Variants in FRMD5 observed in about 807,000 individuals in gnomAD.
The protein encoded by FRMD5 is FERM domain-containing protein 5.
Under a neutral mutation model 69.0 loss-of-function variants are expected in FRMD5, and 20 were observed. That is an observed-to-expected ratio of 0.29 (90% confidence interval 0.20 to 0.42). The LOEUF is 0.42. Ranked by LOEUF, FRMD5 falls within the 10% of genes least tolerant of loss-of-function variation. The pLI, the probability that FRMD5 is intolerant of heterozygous loss-of-function variation, is 1.00. For synonymous variants in FRMD5, 271 were observed against 260.1 expected, an observed-to-expected ratio of 1.04 and a Z score of -0.40; for missense variants, 595 against 708.6, an observed-to-expected ratio of 0.84 and a Z score of 1.82.
chr15:44,073,390 T>C (rs1350500397), intron 1 of FRMD5, among the ~76,000 whole-genome samples: 2 of 152,174 alleles, frequency 1.3e-5, no homozygotes, highest in Non-Finnish European at 2.9e-5. Context: ...CATATAATTA[T>C]TGTCCATAAG....
At chr15:43,981,484 G>T (rs955745154) in intron 1 of FRMD5, among the ~76,000 whole-genome samples, 9 of 152,192 alleles carry the variant, frequency 5.9e-5, no homozygotes. Context: ...GATGGAAGAG[G>T]TAGAGGAGGT....
chr15:43,914,044 G>T (rs1238172462), intron 4 of FRMD5, among the ~76,000 whole-genome samples: 1 of 152,206 alleles, frequency 6.6e-6, no homozygotes, highest in Admixed American at 6.5e-5. Context: ...GAATGCTAGT[G>T]TTGTCCTAAA....
chr15:44,182,857 A>G (rs1276513037), intron 1 of FRMD5, among the ~76,000 whole-genome samples: 3 of 151,920 alleles, frequency 2.0e-5, no homozygotes, highest in Non-Finnish European at 4.4e-5. Flanking sequence ...GTGCAGTGGC[A>G]TGATCTCGGC....
chr15:44,104,936 A>G (rs545320617), intron 1 of FRMD5, among the ~76,000 whole-genome samples: 1 of 152,220 alleles, frequency 6.6e-6, no homozygotes, highest in South Asian at 2.1e-4. Flanking sequence ...ATATTGCATT[A>G]TATGGATATA....
intron 13 of FRMD5, among the ~76,000 whole-genome samples, chr15:43,880,516 C>T (rs945404095): frequency 1.3e-5 from 2 of 152,162 alleles, no homozygotes; most frequent in African/African-American, 4.8e-5. Flanking sequence ...CTTGGTAGCC[C>T]CTGTACTGAT....
At position 44,139,298 on chromosome 15, in the gene FRMD5, TACAC is replaced by T. The variant is rs140679752; in HGVS notation, c.102+55651_102+55654del. Among the ~76,000 whole-genome samples the T allele has an allele frequency of 2.2e-3, 320 of 143,702 alleles. 1 individual carries two copies. The highest frequency in any genetic ancestry group is 5.1e-3 in the East Asian group (25 of 4,930). The allele number at this position is 143,702 out of a possible 152,430, so 94.3% of individuals were successfully genotyped here. On this transcript the variant is annotated intron_variant, in intron 1 of 13. Coordinates refer to ENST00000417257, the MANE Select transcript of FRMD5 (RefSeq NM_032892.5). ...CACCATCTATAGCTCCCCCTCTCTC[TACAC>T]ACACACACACACACACACACACACA...
rs1280359930 is a variant in FRMD5, at chr15:43,873,656, T to C, written c.*229A>G. 12 of 1,497,988 alleles carry C rather than the reference T, an allele frequency of 8.0e-6. No individual in the cohort carries two copies. In the East Asian group the frequency reaches 3.0e-4, roughly 38 times the overall value. The allele number at this position is 1,497,988 out of a possible 1,614,324, so 92.8% of individuals were successfully genotyped here. A position where few individuals can be genotyped will look rare whatever the true frequency, so the allele number is the denominator to read the frequency against. On this transcript the variant is annotated 3_prime_UTR_variant, in exon 14 of 14. Transcript: ENST00000417257. ...ATGAGAAACAGAGTCGCTGAGCCTT[T>C]CTTGAAATAACTTCTGAAGAAAATG...
At chr15:43,991,750 G>A (rs774730255) in intron 1 of FRMD5, among the ~76,000 whole-genome samples, 31 of 152,050 alleles carry the variant, frequency 2.0e-4, no homozygotes, top group Non-Finnish European at 3.7e-4. Context: ...TTTCAAACAG[G>A]GCACTGATGT....
Position 44,159,670 on chromosome 15 carries a change from G to A in FRMD5, c.102+35283C>T, listed in dbSNP as rs147100743. Among the ~76,000 whole-genome samples the A allele has an allele frequency of 3.9e-3, 601 of 152,294 alleles. 5 individuals are homozygous for A. The highest frequency in any genetic ancestry group is 0.014 in the African/African-American group (562 of 41,570). ...TAGGAGAAGCATCAGGTTGGATCAG[G>A]AAGCATTGGTAATTCTTGCTTTGAT... is the stretch of plus-strand genomic sequence containing the variant. On this transcript the variant is annotated intron_variant, in intron 1 of 13. Transcript: ENST00000417257.
chr15:44,023,260 G>A (rs541215092), intron 1 of FRMD5, among the ~76,000 whole-genome samples: 11 of 152,224 alleles, frequency 7.2e-5, no homozygotes, highest in African/African-American at 2.6e-4. Flanking sequence ...AGGTCCCCCA[G>A]TATCTCCCCA....
chr15:44,010,393 T>C (rs923080287), intron 1 of FRMD5, among the ~76,000 whole-genome samples: 1 of 120,190 alleles, frequency 8.3e-6, no homozygotes, highest in East Asian at 2.7e-4. Context: ...CAATCTTTTT[T>C]CCTTTTCTTT....
At chr15:44,178,288 G>A (rs1411840669) in intron 1 of FRMD5, among the ~76,000 whole-genome samples, 1 of 152,078 alleles carries the variant, frequency 6.6e-6, no homozygotes, top group Non-Finnish European at 1.5e-5. Flanking sequence ...TCACACCACT[G>A]CACTCCAGCC....
intron 1 of FRMD5, among the ~76,000 whole-genome samples, chr15:43,939,486 G>C (rs1458753888): frequency 1.3e-5 from 2 of 152,152 alleles, no homozygotes; most frequent in Non-Finnish European, 2.9e-5. Context: ...TTGGCTCTGT[G>C]GGTTTTTCTC....
intron 7 of FRMD5, 39 bp from the exon 8 acceptor site, chr15:43,892,108 A>G (rs1044636571): frequency 5.7e-6 from 9 of 1,577,200 alleles, no homozygotes; most frequent in Middle Eastern, 3.3e-4. Context: ...TGATGCAGGC[A>G]CAGAGGTGAA....
intron 1 of FRMD5, among the ~76,000 whole-genome samples, chr15:43,994,768 C>T (rs1889844394): frequency 6.6e-6 from 1 of 152,204 alleles, no homozygotes; most frequent in Non-Finnish European, 1.5e-5. Flanking sequence ...AACCTTCATG[C>T]TAAAGATATA....
intron 7 of FRMD5, among the ~76,000 whole-genome samples, chr15:43,901,577 G>C (rs1037929178): frequency 2.0e-5 from 3 of 152,212 alleles, no homozygotes; most frequent in Admixed American, 6.5e-5. Flanking sequence ...CAGCCACAGA[G>C]AGAGACTGGA....
At chr15:44,198,218 G>A (rs541471114), upstream of FRMD5, among the ~76,000 whole-genome samples, 26 of 151,896 alleles carry the variant, frequency 1.7e-4, no homozygotes, top group South Asian at 4.4e-3. Context: ...CAGCTGCTGG[G>A]GAGGCTGAGG....
chr15:43,989,668 G>T, intron 1 of FRMD5: 1 of 936,044 alleles, frequency 1.1e-6, no homozygotes, highest in South Asian at 1.3e-5. Flanking sequence ...GGATGGCATG[G>T]GGGAGGGCAT....
rs2088231716 is a variant in FRMD5 at position 43,873,792 on chromosome 15, G to A, written c.*93C>T. On this transcript the variant is annotated 3_prime_UTR_variant, in exon 14 of 14. Transcript: ENST00000417257. ...GTCATGAGAGGAGGACTTGGTATAT[G>A]TGCCGATGGTTCCGCGATGGGTCCC... 1 of 1,548,218 alleles carries A rather than the reference G, an allele frequency of 6.5e-7. No individual in the cohort carries two copies. Among genetic ancestry groups the A allele is most frequent in the South Asian group, 1.2e-5 (1 of 84,068 alleles).
Sources: allele counts gnomAD v4.1 joint callset (sites outside exome capture counted in the v4.1 genomes callset), GRCh38; gene constraint gnomAD v4.1.1; transcripts MANE v1.5; gene names NCBI Gene and HGNC (gene_info 2026-07-23, HGNC 2026-07-21).